SH3RF2: variants seen among roughly 807,000 people sequenced by gnomAD.
SH3RF2 encodes SH3 domain containing ring finger 2.
Under a neutral mutation model 59.0 loss-of-function variants are expected in SH3RF2, and 43 were observed. The ratio of observed to expected loss-of-function variants is 0.73; its 90% CI spans 0.57 to 0.94. SH3RF2 has a LOEUF of 0.94. Ranked by LOEUF, SH3RF2 falls within the 40% of genes least tolerant of loss-of-function variation. The pLI is 0.00. For synonymous variants in SH3RF2, 391 were observed against 391.5 expected (o/e 1.00, Z 0.01); for missense variants, 930 against 940.1 (o/e 0.99, Z 0.14).
chr5:145,997,528 G>C, intron 2 of SH3RF2: 1 of 1,605,898 alleles, frequency 6.2e-7, no homozygotes, highest in Non-Finnish European at 8.5e-7. Flanking sequence ...AATCCTCCTC[G>C]AGATTTTCTT....
chr5:145,971,408 G>T (rs953722368), intron 2 of SH3RF2, among the ~76,000 whole-genome samples: 1 of 152,192 alleles, frequency 6.6e-6, no homozygotes, highest in African/African-American at 2.4e-5. Flanking sequence ...AGCATGTGGG[G>T]CTCCCTACCT....
chr5:146,074,190 A>C lies in SH3RF2; in HGVS notation c.*34-4270A>C, dbSNP rs183770268. Among the ~76,000 whole-genome samples the C allele has an allele frequency of 3.7e-3, 568 of 151,838 alleles. 3 individuals carry two copies. Among genetic ancestry groups the C allele is most frequent in the African/African-American group, 0.013 (539 of 41,378 alleles). On this transcript the variant is annotated intron_variant, in intron 9 of 9. Transcript: ENST00000511217. Reference sequence around the variant, plus strand: ...GAGTAGCTGGGACTACAGGCGCCCAACACCACGCCCGGCTAATTTTTTGTA... The same window carrying C: ...GAGTAGCTGGGACTACAGGCGCCCACCACCACGCCCGGCTAATTTTTTGTA...
At chr5:145,991,052 A>G (rs562270077) in intron 2 of SH3RF2, among the ~76,000 whole-genome samples, 1 of 152,340 alleles carries the variant, frequency 6.6e-6, no homozygotes, top group South Asian at 2.1e-4. Flanking sequence ...CAGCAAGCAA[A>G]TTGCATTCAC....
intron 5 of SH3RF2, among the ~76,000 whole-genome samples, chr5:146,017,824 C>T (rs566969530): frequency 3.9e-5 from 6 of 152,094 alleles, no homozygotes; most frequent in African/African-American, 9.7e-5. Flanking sequence ...CGCCTCACCC[C>T]GCCCAATCCC....
At chr5:145,941,133 G>C (rs760371046) in intron 2 of SH3RF2, among the ~76,000 whole-genome samples, 1 of 152,110 alleles carries the variant, frequency 6.6e-6, no homozygotes, top group Non-Finnish European at 1.5e-5. Flanking sequence ...CCGATAACCT[G>C]GCACCCTGAA....
At chr5:146,065,251 T>C (rs1015426917), downstream of SH3RF2, among the ~76,000 whole-genome samples, 3 of 152,178 alleles carry the variant, frequency 2.0e-5, no homozygotes, top group African/African-American at 7.2e-5. Context: ...CCCAAATCCA[T>C]GCCTCATTGA....
At chr5:145,953,094 A>G (rs1398632182) in intron 2 of SH3RF2, among the ~76,000 whole-genome samples, 1 of 150,170 alleles carries the variant, frequency 6.7e-6, no homozygotes, top group African/African-American at 2.5e-5. Flanking sequence ...TATAGGCAGA[A>G]CACCAACAGT....
At chr5:145,953,088 G>A (rs1474689227) in intron 2 of SH3RF2, among the ~76,000 whole-genome samples, 1 of 151,064 alleles carries the variant, frequency 6.6e-6, no homozygotes, top group Non-Finnish European at 1.5e-5. Context: ...AAGAAATATA[G>A]GCAGAACACC....
intron 5 of SH3RF2, among the ~76,000 whole-genome samples, chr5:146,029,629 T>A (rs1191290700): frequency 6.6e-6 from 1 of 152,146 alleles, no homozygotes; most frequent in Non-Finnish European, 1.5e-5. Flanking sequence ...GCACATAAGC[T>A]GAAAATCAGG....
chr5:145,939,997 C>G (rs1757755064), intron 2 of SH3RF2, among the ~76,000 whole-genome samples: 1 of 152,204 alleles, frequency 6.6e-6, no homozygotes, highest in Non-Finnish European at 1.5e-5. Context: ...AATGGATCCA[C>G]AGCTACCAAG....
intron 2 of SH3RF2, chr5:145,998,036 A>T (rs1191311027): frequency 3.2e-6 from 2 of 626,162 alleles, no homozygotes; most frequent in Non-Finnish European, 5.8e-6. Context: ...GAGAGACTAC[A>T]TAGAAAACTA....
downstream of SH3RF2, among the ~76,000 whole-genome samples, chr5:146,064,864 G>GAAGAAAGAAAGAAAGAA (rs59357428): frequency 1.4e-5 from 1 of 69,092 alleles, no homozygotes; most frequent in African/African-American, 5.7e-5. Flanking sequence ...AAGAAAGAAA[G>GAAGAAAGAAAGAAAGAA]AGAAAGAAAA....
chr5:145,974,118 T>C (rs1198185500), intron 2 of SH3RF2, among the ~76,000 whole-genome samples: 1 of 152,174 alleles, frequency 6.6e-6, no homozygotes, highest in Non-Finnish European at 1.5e-5. Flanking sequence ...CTTGTGGCTG[T>C]AAAACTGAGA....
chr5:146,002,469 A>AAAGG (rs368645230), intron 3 of SH3RF2, among the ~76,000 whole-genome samples: 11,215 of 97,228 alleles, frequency 0.12, 1,037 homozygotes, highest in Non-Finnish European at 0.12. Context: ...AAAAGAAAGA[A>AAAGG]AAGGAAGGAA....
intron 5 of SH3RF2, among the ~76,000 whole-genome samples, chr5:146,034,144 A>G (rs1218338902): frequency 1.3e-5 from 2 of 152,244 alleles, no homozygotes; most frequent in Non-Finnish European, 2.9e-5. Context: ...TTTTTAGCAC[A>G]ATGAGATAAA....
intron 2 of SH3RF2, among the ~76,000 whole-genome samples, chr5:145,994,112 G>A (rs899113250): frequency 1.3e-5 from 2 of 152,160 alleles, no homozygotes; most frequent in African/African-American, 4.8e-5. Context: ...GGTGCAAAAT[G>A]CTGCCAGTCT....
rs149619039 is a variant in SH3RF2 at position 146,039,911 on chromosome 5, A to T, written c.1060-7861A>T. On this transcript the variant is annotated intron_variant, in intron 5 of 9. Transcript: ENST00000359120. The stretch of plus-strand genomic sequence containing the variant: ...TATAGACACAGAACGAAATGTAAGA[A>T]TCAGCAGTGAAAATTAGCCACAAAT... Among the ~76,000 whole-genome samples, 459 of 152,382 alleles carry T rather than the reference A, an allele frequency of 3.0e-3. 1 individual carries two copies. The highest frequency in any genetic ancestry group is 6.8e-3 in the Middle Eastern group (2 of 294).
At chr5:146,051,139 G>A (rs1180936204) in intron 7 of SH3RF2, among the ~76,000 whole-genome samples, 2 of 152,192 alleles carry the variant, frequency 1.3e-5, no homozygotes, top group African/African-American at 4.8e-5. Context: ...GGAGGCTGGG[G>A]CAGGAGAATC....
chr5:145,966,151 T>C (rs1024404438), intron 2 of SH3RF2, among the ~76,000 whole-genome samples: 2 of 152,138 alleles, frequency 1.3e-5, no homozygotes, highest in Admixed American at 1.3e-4. Context: ...TCTAGGAAGA[T>C]GAAACCAGGA....
Sources: allele counts gnomAD v4.1 joint callset (sites outside exome capture counted in the v4.1 genomes callset), GRCh38; gene constraint gnomAD v4.1.1; transcripts MANE v1.5; gene names NCBI Gene and HGNC (gene_info 2026-07-23, HGNC 2026-07-21).